Variants in RBMS1 observed in about 807,000 individuals in gnomAD.
RBMS1 encodes the protein RNA binding motif single stranded interacting protein 1.
In RBMS1, 17 loss-of-function variants were observed where a neutral mutation model predicts 62.3. The ratio of observed to expected loss-of-function variants is 0.27; its 90% confidence interval spans 0.19 to 0.41. The LOEUF is 0.41. Among genes scored for constraint, RBMS1 ranks in the 10% least tolerant of loss-of-function variants. The probability of loss-of-function intolerance (pLI) is 1.00; values close to 1 mark genes in which losing one functional copy is unlikely to be tolerated. For missense variants in RBMS1, 334 were observed against 504.5 expected, an observed-to-expected ratio of 0.66 and a Z score of 3.24; for synonymous variants, 172 against 170.0, an observed-to-expected ratio of 1.01 and a Z score of -0.09.
At chr2:160,470,548 T>A (rs1684873001) in intron 1 of RBMS1, among the ~76,000 whole-genome samples, 1 of 152,232 alleles carries the variant, frequency 6.6e-6, no homozygotes. Flanking sequence ...TCATAGTCTA[T>A]ACCTGCCAGG....
At chr2:160,373,739 C>T (rs1284898542) in intron 1 of RBMS1, among the ~76,000 whole-genome samples, 1 of 152,142 alleles carries the variant, frequency 6.6e-6, no homozygotes, top group Non-Finnish European at 1.5e-5. Context: ...GCAATGATTT[C>T]AAAATTTCCT....
chr2:160,407,477 G>C, intron 1 of RBMS1: 3 of 986,202 alleles, frequency 3.0e-6, no homozygotes, highest in Non-Finnish European at 3.6e-6. Context: ...CTTGCGATAG[G>C]GCGTCCGGCA....
rs1169274651 is a variant in RBMS1 at position 160,493,444 on chromosome 2, C to CCGG, written c.-84_-82dup. ...CTCGGGCTCTCCTGCCTCTCCCTTTCCGGCGGCGGCGGCAGCGGCGGCGGC... is the reference window on the plus strand; with the variant it reads ...CTCGGGCTCTCCTGCCTCTCCCTTTCCGGCGGCGGCGGCGGCAGCGGCGGCGGC... On this transcript the variant is annotated 5_prime_UTR_variant, in exon 1 of 14. Coordinates refer to ENST00000348849, the MANE Select transcript of RBMS1 (RefSeq NM_016836.4). 5.2e-5 allele frequency: 73 copies of CCGG among 1,410,560 alleles called. No individual in the cohort carries two copies. In the Middle Eastern group the frequency reaches 7.1e-4, roughly 14 times the overall value. The allele number at this position is 1,410,560 out of a possible 1,614,324, so 87.4% of individuals were successfully genotyped here.
chr2:160,282,138 T>C, intron 9 of RBMS1: 1 of 928,778 alleles, frequency 1.1e-6, no homozygotes, highest in South Asian at 1.3e-5. Flanking sequence ...TTATTAAGTT[T>C]CAGTTTCCAA....
intron 6 of RBMS1, among the ~76,000 whole-genome samples, chr2:160,291,637 G>A (rs997427506): frequency 6.6e-6 from 1 of 152,098 alleles, no homozygotes. Flanking sequence ...CCTCCCCTGT[G>A]CCTTAGGTAG....
chr2:160,443,947 TCTG>T (rs1683529998), intron 1 of RBMS1, among the ~76,000 whole-genome samples: 3 of 152,204 alleles, frequency 2.0e-5, no homozygotes, highest in Admixed American at 2.0e-4. Context: ...TTGTAGAGTT[TCTG>T]GTAAGATGTC....
chr2:160,292,036 T>C (rs537397079), intron 6 of RBMS1, among the ~76,000 whole-genome samples: 39 of 152,356 alleles, frequency 2.6e-4, no homozygotes, highest in African/African-American at 8.9e-4. Context: ...AATGGTGACA[T>C]AGTATTTTAT....
intron 6 of RBMS1, among the ~76,000 whole-genome samples, chr2:160,293,626 C>T (rs1170368859): frequency 6.6e-6 from 1 of 152,198 alleles, no homozygotes; most frequent in African/African-American, 2.4e-5. Flanking sequence ...GGAAATCATA[C>T]TGTCTCCTGC....
intron 3 of RBMS1, among the ~76,000 whole-genome samples, chr2:160,313,859 G>A (rs759895647): frequency 3.9e-5 from 6 of 152,080 alleles, no homozygotes; most frequent in Non-Finnish European, 8.8e-5. Flanking sequence ...AATGCCTCAA[G>A]ACACCTAAAA....
At chr2:160,448,892 G>A (rs1376620485) in intron 1 of RBMS1, among the ~76,000 whole-genome samples, 14 of 150,746 alleles carry the variant, frequency 9.3e-5, no homozygotes, top group Non-Finnish European at 1.9e-4. Context: ...TGTGGGGAGC[G>A]CCTCTGCCCC....
chr2:160,289,831 A>C (rs978437315), intron 6 of RBMS1, among the ~76,000 whole-genome samples: 24 of 151,816 alleles, frequency 1.6e-4, no homozygotes, highest in African/African-American at 5.8e-4. Context: ...GCTTCTCCCT[A>C]TAAGTTCTTA....
At chr2:160,339,444 GAAAC>G in intron 2 of RBMS1, among the ~76,000 whole-genome samples, 1 of 152,208 alleles carries the variant, frequency 6.6e-6, no homozygotes, top group African/African-American at 2.4e-5. Flanking sequence ...GATGTAGTTG[GAAAC>G]AAACAGATGT....
chr2:160,322,748 C>G (rs1431331530), intron 2 of RBMS1, among the ~76,000 whole-genome samples: 2 of 152,230 alleles, frequency 1.3e-5, no homozygotes, highest in Non-Finnish European at 2.9e-5. Context: ...CATTAAAATA[C>G]AGACCCCAGA....
At chr2:160,438,067 AG>A (rs1298801996) in intron 1 of RBMS1, among the ~76,000 whole-genome samples, 10 of 152,184 alleles carry the variant, frequency 6.6e-5, no homozygotes, top group African/African-American at 2.2e-4. Flanking sequence ...CATTGCTGGA[AG>A]GGAAGAAGTC....
At chr2:160,481,171 G>T (rs1685354453) in intron 1 of RBMS1, among the ~76,000 whole-genome samples, 1 of 149,062 alleles carries the variant, frequency 6.7e-6, no homozygotes, top group Non-Finnish European at 1.5e-5. Context: ...GAAATTCAAA[G>T]AAGGAAATGT....
chr2:160,374,670 C>T (rs1027951163), intron 1 of RBMS1, among the ~76,000 whole-genome samples: 2 of 152,164 alleles, frequency 1.3e-5, no homozygotes, highest in African/African-American at 4.8e-5. Flanking sequence ...TGGCTCATGC[C>T]TGTAATCCTA....
intron 2 of RBMS1, among the ~76,000 whole-genome samples, chr2:160,333,855 G>A (rs186692724): frequency 2.0e-5 from 3 of 151,788 alleles, no homozygotes; most frequent in Non-Finnish European, 2.9e-5. Flanking sequence ...TAACAAACCC[G>A]TTTTTCTAAA....
chr2:160,420,161 T>C (rs982128259), intron 1 of RBMS1, among the ~76,000 whole-genome samples: 3 of 152,150 alleles, frequency 2.0e-5, no homozygotes, highest in Non-Finnish European at 4.4e-5. Flanking sequence ...CTCTACTTCC[T>C]AAAACTCCCA....
chr2:160,371,581 T>C (rs1693725892), intron 1 of RBMS1, among the ~76,000 whole-genome samples: 1 of 152,216 alleles, frequency 6.6e-6, no homozygotes, highest in Non-Finnish European at 1.5e-5. Context: ...TTATATGGGC[T>C]TAATTTGCAT....
Sources: allele counts gnomAD v4.1 joint callset (sites outside exome capture counted in the v4.1 genomes callset), GRCh38; gene constraint gnomAD v4.1.1; transcripts MANE v1.5; gene names NCBI Gene and HGNC (gene_info 2026-07-23, HGNC 2026-07-21).